The following FAM227B variants were observed in gnomAD, a reference collection of about 807,000 sequenced individuals.
FAM227B encodes protein FAM227B.
In FAM227B, 88 loss-of-function variants were observed where a neutral mutation model predicts 73.8. The observed-to-expected ratio is 1.19, with a 90% CI of 1.00 to 1.42. The LOEUF (loss-of-function observed/expected upper bound fraction) is 1.42, where lower values mean the gene tolerates loss of function less well. FAM227B is among the 40% of genes most tolerant of loss of function. The pLI is 0.00. For missense variants in FAM227B, 632 were observed against 590.9 expected (o/e 1.07, Z -0.72); for synonymous variants, 210 against 190.5 (o/e 1.10, Z -0.84).
intron 15 of FAM227B, 96 bp from the exon 16 acceptor site, chr15:49,328,771 A>C (rs1042155771): frequency 2.9e-5 from 40 of 1,372,024 alleles, no homozygotes; most frequent in Non-Finnish European, 3.6e-5. Context: ...CAAGAGACTA[A>C]GGATTTTTTT....
chr15:49,411,940 T>A (rs1386308368), intron 11 of FAM227B, among the ~76,000 whole-genome samples: 1 of 152,130 alleles, frequency 6.6e-6, no homozygotes, highest in African/African-American at 2.4e-5. Flanking sequence ...TACTTTTACA[T>A]CCTCATTTGC....
At chr15:49,427,948 CACTT>C (rs2050268550) in intron 11 of FAM227B, among the ~76,000 whole-genome samples, 1 of 151,940 alleles carries the variant, frequency 6.6e-6, no homozygotes, top group African/African-American at 2.4e-5. Flanking sequence ...GTGAGGTTGT[CACTT>C]ACTTTAGTCT....
chr15:49,421,376 CTTG>C (rs2049612242), intron 11 of FAM227B, among the ~76,000 whole-genome samples: 1 of 152,168 alleles, frequency 6.6e-6, no homozygotes, highest in Non-Finnish European at 1.5e-5. Context: ...ATACAGTTCC[CTTG>C]TTGATATTAA....
chr15:49,612,531 G>A (rs115651603), intron 2 of FAM227B, among the ~76,000 whole-genome samples: 2,620 of 152,098 alleles, frequency 0.017, 37 homozygotes, highest in Middle Eastern at 0.037. Flanking sequence ...ATAAGTACTC[G>A]CAGTGTGCAT....
intron 11 of FAM227B, among the ~76,000 whole-genome samples, chr15:49,373,667 AT>A (rs1194782191): frequency 6.6e-6 from 1 of 152,086 alleles, no homozygotes; most frequent in Admixed American, 6.6e-5. Context: ...TCCCCTATTT[AT>A]TTTAGAGATG....
intron 9 of FAM227B, among the ~76,000 whole-genome samples, chr15:49,560,200 T>C (rs571945455): frequency 6.6e-6 from 1 of 151,918 alleles, no homozygotes; most frequent in East Asian, 1.9e-4. Flanking sequence ...GCACTGGAAA[T>C]AAAAAACTCA....
intron 11 of FAM227B, among the ~76,000 whole-genome samples, chr15:49,390,412 GA>G (rs143625770): frequency 0.022 from 3,285 of 151,954 alleles, 91 homozygotes; most frequent in South Asian, 0.078. Flanking sequence ...GGATCCACAA[GA>G]AAAAAATACT....
intron 11 of FAM227B, among the ~76,000 whole-genome samples, chr15:49,423,862 T>G (rs1194729096): frequency 1.3e-5 from 2 of 152,156 alleles, no homozygotes; most frequent in African/African-American, 4.8e-5. Context: ...AATCTACACA[T>G]AAAGTGGTAA....
rs571064868 is a variant in FAM227B, at chr15:49,432,155, T to C, written c.1013-60756A>G. 9.1e-4 allele frequency among the ~76,000 whole-genome samples: 138 copies of C among 151,844 alleles called. 5 individuals carry two copies. In the South Asian group the frequency reaches 0.027, roughly 30 times the overall value. Reference sequence around the variant, plus strand: ...ATTTGTTATATTCTATTGTAATATTTCCCATTTTATCTGGCTACTTGAACT... The same window carrying C: ...ATTTGTTATATTCTATTGTAATATTCCCCATTTTATCTGGCTACTTGAACT... On this transcript the variant is annotated intron_variant, in intron 11 of 15. Transcript: ENST00000299338.
chr15:49,464,064 T>C lies in FAM227B; in HGVS notation c.1012+44147A>G, dbSNP rs186381045. ...ATTTTTTTTTCCATCCCCAAACACC[T>C]GCTGTATGGACAATAATTCTATTAG... On this transcript the variant is annotated intron_variant, in intron 11 of 15. Transcript: ENST00000299338. 9.9e-4 allele frequency among the ~76,000 whole-genome samples: 150 copies of C among 152,226 alleles called. 1 individual carries two copies. The highest frequency in any genetic ancestry group is 6.8e-3 in the Middle Eastern group (2 of 294).
intron 13 of FAM227B, among the ~76,000 whole-genome samples, chr15:49,352,188 G>A (rs57252806): frequency 0.17 from 25,597 of 152,146 alleles, 2,416 homozygotes; most frequent in Non-Finnish European, 0.21. Flanking sequence ...CCAAGAGCAA[G>A]CATCCCAAAA....
intron 1 of FAM227B, among the ~76,000 whole-genome samples, chr15:49,616,483 C>T (rs1347495957): frequency 6.6e-6 from 1 of 151,790 alleles, no homozygotes. Flanking sequence ...GTGAAAAATG[C>T]CACACACTTA....
chr15:49,602,813 G>C (rs1207698092), intron 3 of FAM227B, among the ~76,000 whole-genome samples: 2 of 152,100 alleles, frequency 1.3e-5, no homozygotes, highest in Non-Finnish European at 1.5e-5. Flanking sequence ...CTTTTGATTT[G>C]ATTTTTGTAT....
intron 11 of FAM227B, among the ~76,000 whole-genome samples, chr15:49,400,610 G>C (rs1312336011): frequency 1.1e-5 from 1 of 92,072 alleles, no homozygotes; most frequent in Non-Finnish European, 2.3e-5. Context: ...ATACTACAAG[G>C]CTACAGTAAC....
chr15:49,545,094 T>C (rs1282080892), intron 9 of FAM227B, among the ~76,000 whole-genome samples: 3 of 152,190 alleles, frequency 2.0e-5, no homozygotes, highest in Non-Finnish European at 4.4e-5. Context: ...CTTCTTTAAA[T>C]GTCTGATAGA....
intron 10 of FAM227B, among the ~76,000 whole-genome samples, chr15:49,532,691 T>G (rs1333857510): frequency 1.3e-5 from 2 of 151,912 alleles, no homozygotes; most frequent in African/African-American, 4.8e-5. Context: ...ATTAAAATAT[T>G]AGAATTCTCA....
At chr15:49,438,421 C>G (rs2051306317) in intron 11 of FAM227B, among the ~76,000 whole-genome samples, 1 of 151,674 alleles carries the variant, frequency 6.6e-6, no homozygotes, top group African/African-American at 2.4e-5. Context: ...TCCACCCAGT[C>G]TTTGATACAG....
intron 11 of FAM227B, among the ~76,000 whole-genome samples, chr15:49,458,468 G>T (rs968865108): frequency 1.3e-5 from 2 of 152,102 alleles, no homozygotes; most frequent in African/African-American, 2.4e-5. Context: ...TTTCATCCAA[G>T]ATTTTCCTGT....
intron 9 of FAM227B, among the ~76,000 whole-genome samples, chr15:49,547,280 C>CTAACATGGAACTAA (rs1214779859): frequency 6.6e-6 from 1 of 151,646 alleles, no homozygotes; most frequent in Non-Finnish European, 1.5e-5. Context: ...CTGAAGGAAG[C>CTAACATGGAACTAA]ACTAAACATG....
Sources: gnomAD v4.1 joint callset for allele counts (sites outside exome capture counted in the v4.1 genomes callset) on GRCh38, gnomAD v4.1.1 for gene constraint, MANE v1.5 for transcripts, NCBI Gene and HGNC (gene_info 2026-07-23, HGNC 2026-07-21) for gene names.